The following MSANTD2 variants were observed in gnomAD, a reference collection of about 807,000 sequenced individuals.
MSANTD2 encodes the protein Myb/SANT DNA binding domain containing 2.
Under a neutral mutation model 52.6 loss-of-function variants are expected in MSANTD2, and 19 were observed. The ratio of observed to expected loss-of-function variants is 0.36; its 90% CI spans 0.25 to 0.53. The LOEUF is 0.53. Among genes scored for constraint, MSANTD2 ranks in the 20% least tolerant of loss-of-function variants. The pLI is 0.91. For missense variants in MSANTD2, 558 were observed against 716.3 expected, an observed-to-expected ratio of 0.78 and a Z score of 2.52; for synonymous variants, 291 against 289.7, an observed-to-expected ratio of 1.00 and a Z score of -0.04.
At chr11:124,791,500 G>A in intron 1 of MSANTD2, 1 of 1,104,658 alleles carries the variant, frequency 9.1e-7, no homozygotes, top group Non-Finnish European at 1.4e-6. Context: ...ATGGCTGAGG[G>A]CAAGAGTTGG....
At chr11:124,784,098 C>T in intron 1 of MSANTD2, 1 of 985,010 alleles carries the variant, frequency 1.0e-6, no homozygotes, top group Non-Finnish European at 1.2e-6. Flanking sequence ...GTAGTAGCTA[C>T]AGTCACCAAA....
chr11:124,780,268 C>A (rs1309100388), intron 1 of MSANTD2, among the ~76,000 whole-genome samples: 2 of 152,132 alleles, frequency 1.3e-5, no homozygotes, highest in African/African-American at 4.8e-5. Flanking sequence ...TTACTTAAGG[C>A]AAAATCCATC....
rs1224293008 is a variant in MSANTD2, at chr11:124,779,662, C to A, written c.511-4688G>T. Among the ~76,000 whole-genome samples the A allele has an allele frequency of 6.6e-6, 1 of 152,130 alleles. No homozygotes were observed. Among genetic ancestry groups the A allele is most frequent in the Non-Finnish European group, 1.5e-5 (1 of 68,022 alleles). ...ACAGCTTAGTTATAATAGCAGGAAA[C>A]AATGTTACAAGAAAAAACAAGCAGT... is the stretch of plus-strand genomic sequence containing the variant. On this transcript the variant is annotated intron_variant, in intron 1 of 3. Coordinates refer to ENST00000374979, the MANE Select transcript of MSANTD2 (RefSeq NM_001308027.2). The surrounding 1 kb of genome is among the most constrained non-coding windows in gnomAD (Gnocchi z 4.6).
chr11:124,791,472 G>A (rs1291156387), intron 1 of MSANTD2: 3 of 1,137,674 alleles, frequency 2.6e-6, no homozygotes, highest in East Asian at 4.8e-5. Flanking sequence ...TGGGAGGTCA[G>A]GCGAGTCACT....
At chr11:124,773,925 C>G (rs573950688) in intron 2 of MSANTD2, among the ~76,000 whole-genome samples, 1 of 152,264 alleles carries the variant, frequency 6.6e-6, no homozygotes, top group South Asian at 2.1e-4. Context: ...TGTACAATGG[C>G]TGATTGATCA....
At position 124,800,299 on chromosome 11, in the gene MSANTD2, G is replaced by C; in HGVS notation, c.82C>G (p.Pro28Ala). Reference sequence around the variant, plus strand: ...GGATTTCCGTCGCTCAGGCCACCAGGAGAAGCCGGGGAAAGCACCTCCATC... The same window carrying C: ...GGATTTCCGTCGCTCAGGCCACCAGCAGAAGCCGGGGAAAGCACCTCCATC... ...PKMEVLSPAS[P>A]GGLSDGNPSL... Residue 28 changes from proline (P) to alanine (A), a missense_variant, in exon 1 of 4, where the codon CCT becomes GCT. This residue lies in a region of MSANTD2 where 150 missense variants were observed against 142.7 expected (regional missense o/e 1.05). Transcript: ENST00000374979. This position sits in a 1 kb window ranked among gnomAD's most constrained non-coding sequence, Gnocchi z 4.3. 6.4e-7 allele frequency: 1 copy of C among 1,567,782 alleles called. No individual in the cohort carries two copies. The highest frequency in any genetic ancestry group is 8.6e-7 in the Non-Finnish European group (1 of 1,159,592).
intron 1 of MSANTD2, chr11:124,791,449 TC>T: frequency 2.4e-6 from 3 of 1,228,212 alleles, no homozygotes; most frequent in South Asian, 2.4e-5. Context: ...TCCGGACCCC[TC>T]CCCACCTGCA....
At chr11:124,776,524 C>T (rs547066438) in intron 1 of MSANTD2, among the ~76,000 whole-genome samples, 4 of 152,266 alleles carry the variant, frequency 2.6e-5, no homozygotes, top group South Asian at 4.1e-4. Context: ...CTTGAACTCC[C>T]GACCTCAGGT....
At chr11:124,783,959 T>C in intron 1 of MSANTD2, 1 of 985,418 alleles carries the variant, frequency 1.0e-6, no homozygotes, top group Non-Finnish European at 1.2e-6. Flanking sequence ...TGCATGTTCA[T>C]GTATAAGAGC....
intron 3 of MSANTD2, among the ~76,000 whole-genome samples, chr11:124,771,658 C>T (rs990490150): frequency 3.3e-5 from 5 of 152,208 alleles, no homozygotes; most frequent in African/African-American, 9.7e-5. Flanking sequence ...GTCCCACCTA[C>T]TCGGGCTGGA....
At chr11:124,784,134 G>A (rs1945079044) in intron 1 of MSANTD2, 9 of 984,436 alleles carry the variant, frequency 9.1e-6, no homozygotes, top group Non-Finnish European at 1.1e-5. Flanking sequence ...TATTTGTCTA[G>A]AACTTCCTCC....
At chr11:124,789,615 A>G (rs115791864) in intron 1 of MSANTD2, 112 of 152,210 alleles carry the variant, frequency 7.4e-4, no homozygotes, top group African/African-American at 2.6e-3. Flanking sequence ...GGTAACACTC[A>G]CTTGATTAGT....
In MSANTD2 at chr11:124,779,352, G is replaced by A. The variant is rs758527744; in HGVS notation, c.511-4378C>T. Among the ~76,000 whole-genome samples the A allele has an allele frequency of 2.6e-5, 4 of 152,106 alleles. No homozygotes were observed. Among genetic ancestry groups the A allele is most frequent in the Non-Finnish European group, 4.4e-5 (3 of 67,996 alleles). On this transcript the variant is annotated intron_variant, in intron 1 of 3. Transcript: ENST00000374979. This position sits in a 1 kb window ranked among gnomAD's most constrained non-coding sequence, Gnocchi z 4.6. ...ATGGGAAGAATTAAATTCTTCCCTG[G>A]TAGGGCAAAGTAGAAAACAAACTAA...
intron 1 of MSANTD2, chr11:124,792,352 C>T (rs1044460324): frequency 6.6e-6 from 1 of 152,256 alleles, no homozygotes; most frequent in African/African-American, 2.4e-5. Context: ...ACTCTTTCAC[C>T]ACATGCCATG....
At chr11:124,790,479 T>C (rs1378211670) in intron 1 of MSANTD2, 1 of 152,226 alleles carries the variant, frequency 6.6e-6, no homozygotes, top group Non-Finnish European at 1.5e-5. Flanking sequence ...ATTCTGGAAA[T>C]TAAAATTCCC....
chr11:124,792,488 C>T (rs765309924), intron 1 of MSANTD2: 13 of 152,208 alleles, frequency 8.5e-5, no homozygotes, highest in Admixed American at 2.0e-4. Context: ...TGGCACTATT[C>T]TAGGTTATGC....
At position 124,767,541 on chromosome 11, in the gene MSANTD2, T is replaced by A; in HGVS notation, c.1315A>T (p.Met439Leu). 1 of 1,614,150 alleles carries A rather than the reference T, an allele frequency of 6.2e-7. No homozygotes were observed. Among genetic ancestry groups the A allele is most frequent in the Non-Finnish European group, 8.5e-7 (1 of 1,180,014 alleles). ...CCTGGGTCCAGGGAACTTTGCTCCA[T>A]GTGTGGTGAGAGGGGCCTCTCAATA... Reference protein sequence around the residue: ...ECIERPLSPHMEQSSLDPGKE... With the variant: ...ECIERPLSPHLEQSSLDPGKE... The change falls in exon 4 of 4, where the codon ATG (methionine) becomes TTG (leucine). Residue 439 changes from methionine to leucine, a missense_variant. Physicochemically the swap from Met to Leu is conservative, Grantham distance 15 (BLOSUM62 2). This residue lies in a region of MSANTD2 where 408 missense variants were observed against 573.6 expected (regional missense o/e 0.71). Transcript: ENST00000374979. The surrounding 1 kb of genome is among the most constrained non-coding windows in gnomAD (Gnocchi z 6.5).
At chr11:124,785,504 GT>G (rs1945129681) in intron 1 of MSANTD2, among the ~76,000 whole-genome samples, 1 of 152,232 alleles carries the variant, frequency 6.6e-6, no homozygotes, top group African/African-American at 2.4e-5. Flanking sequence ...TGGAACTCAG[GT>G]TGTCCTTCAG....
At chr11:124,787,387 T>C (rs1021959450) in intron 1 of MSANTD2, among the ~76,000 whole-genome samples, 5 of 152,188 alleles carry the variant, frequency 3.3e-5, no homozygotes, top group African/African-American at 7.2e-5. Context: ...TTGACTTTTC[T>C]TTTTTTGGAG....
Sources: gnomAD v4.1 joint callset for allele counts (sites outside exome capture counted in the v4.1 genomes callset) on GRCh38, gnomAD v4.1.1 for gene constraint, gnomAD v4.1.1 regional missense constraint, Gnocchi (gnomAD v3.1) non-coding constraint, MANE v1.5 for transcripts, NCBI Gene and HGNC (gene_info 2026-07-23, HGNC 2026-07-21) for gene names.